CCAR1: variants seen among roughly 807,000 people sequenced by gnomAD.
CCAR1 encodes the protein cell division cycle and apoptosis regulator 1, also known as cell division cycle and apoptosis regulator protein 1.
Under a neutral mutation model 163.8 loss-of-function variants are expected in CCAR1, and 78 were observed. The observed-to-expected ratio is 0.48, with a 90% CI of 0.40 to 0.57. CCAR1 has a LOEUF of 0.57. CCAR1 is among the 20% of genes least tolerant of loss of function. CCAR1 has a pLI of 0.00. For synonymous variants in CCAR1, 443 were observed against 460.7 expected (o/e 0.96, Z 0.49); for missense variants, 1,019 against 1,365.2 (o/e 0.75, Z 4.00).
At chr10:68,747,084 C>T (rs1447392604) in intron 6 of CCAR1, 77 bp from the exon 7 acceptor site, 6 of 707,756 alleles carry the variant, frequency 8.5e-6, no homozygotes, top group African/African-American at 7.3e-5. Context: ...AAAGTACTAA[C>T]TATGTAAATC....
chr10:68,767,434 A>AT, intron 17 of CCAR1, among the ~76,000 whole-genome samples: 1 of 151,956 alleles, frequency 6.6e-6, no homozygotes, highest in East Asian at 1.9e-4. Flanking sequence ...TGCCTGGCTA[A>AT]TTTTTTGTAT....
chr10:68,763,662 G>C (rs931457268), intron 16 of CCAR1, among the ~76,000 whole-genome samples: 2 of 152,042 alleles, frequency 1.3e-5, no homozygotes, highest in African/African-American at 4.8e-5. Context: ...TAGCCAGGCT[G>C]GTCTCAAACT....
chr10:68,765,501 A>G (rs1485417864), intron 16 of CCAR1, among the ~76,000 whole-genome samples: 1 of 152,114 alleles, frequency 6.6e-6, no homozygotes, highest in Non-Finnish European at 1.5e-5. Context: ...TATGAATGCT[A>G]TCAGTTTTTG....
chr10:68,764,472 T>A (rs2056512904), intron 16 of CCAR1, among the ~76,000 whole-genome samples: 1 of 151,932 alleles, frequency 6.6e-6, no homozygotes, highest in African/African-American at 2.4e-5. Flanking sequence ...AGGTCAACGC[T>A]ATTTGTGAGC....
chr10:68,750,915 C>T (rs1380617139), intron 10 of CCAR1, among the ~76,000 whole-genome samples: 1 of 152,116 alleles, frequency 6.6e-6, no homozygotes, highest in East Asian at 1.9e-4. Flanking sequence ...GAATTTTAGT[C>T]AAGCTACTTA....
At chr10:68,770,805 C>T (rs59474050) in intron 17 of CCAR1, among the ~76,000 whole-genome samples, 2,335 of 152,100 alleles carry the variant, frequency 0.015, 61 homozygotes, top group African/African-American at 0.053. Context: ...TGGCTAGGCG[C>T]GGTGGCTTAC....
At chr10:68,779,289 G>A (rs899157851) in intron 19 of CCAR1, among the ~76,000 whole-genome samples, 1 of 149,670 alleles carries the variant, frequency 6.7e-6, no homozygotes, top group African/African-American at 2.5e-5. Context: ...ACAGAGTTTT[G>A]CTCTGTCGCC....
At chr10:68,786,906 G>C in intron 21 of CCAR1, 1 of 383,378 alleles carries the variant, frequency 2.6e-6, no homozygotes, top group Non-Finnish European at 4.6e-6. Flanking sequence ...CCAACATGGC[G>C]TAGCTCCGTC....
At chr10:68,747,047 A>AT (rs1470446298) in intron 6 of CCAR1, 114 bp from the exon 7 acceptor site, 308 of 573,430 alleles carry the variant, frequency 5.4e-4, no homozygotes, top group South Asian at 8.4e-4. Context: ...TTTACTGTTT[A>AT]TTTTTTTTTG....
chr10:68,774,281 C>T (rs1008432068), intron 19 of CCAR1, among the ~76,000 whole-genome samples: 1 of 152,148 alleles, frequency 6.6e-6, no homozygotes, highest in African/African-American at 2.4e-5. Flanking sequence ...GCCCACATCA[C>T]CTTCCCAAAA....
intron 10 of CCAR1, among the ~76,000 whole-genome samples, chr10:68,751,241 A>C (rs1000324355): frequency 6.6e-6 from 1 of 151,610 alleles, no homozygotes; most frequent in African/African-American, 2.4e-5. Flanking sequence ...TGGCCAGGCT[A>C]ATCTCAAACT....
intron 15 of CCAR1, 128 bp from the exon 16 acceptor site, chr10:68,760,875 AAAAC>A (rs2056460644): frequency 2.6e-6 from 1 of 391,324 alleles, no homozygotes; most frequent in Non-Finnish European, 4.1e-6. Flanking sequence ...AAAAAAACAA[AAAAC>A]AAAAAAAAAA....
intron 16 of CCAR1, among the ~76,000 whole-genome samples, chr10:68,762,096 G>A (rs2056478850): frequency 1.3e-5 from 2 of 151,918 alleles, no homozygotes; most frequent in Middle Eastern, 3.4e-3. Context: ...TTGGGAGGCC[G>A]AGGTGGGCGG....
chr10:68,768,467 C>T (rs796652541), intron 17 of CCAR1, among the ~76,000 whole-genome samples: 9 of 151,924 alleles, frequency 5.9e-5, no homozygotes, highest in African/African-American at 2.2e-4. Flanking sequence ...AAAAATTAGC[C>T]AGGCTAGGTG....
chr10:68,734,610 G>A (rs1048645942), intron 2 of CCAR1, among the ~76,000 whole-genome samples: 2 of 151,874 alleles, frequency 1.3e-5, no homozygotes, highest in African/African-American at 4.8e-5. Flanking sequence ...AGTGATTCTC[G>A]TGCCTCAGCC....
At chr10:68,735,881 GTC>G (rs2056103128) in intron 2 of CCAR1, 1 of 152,224 alleles carries the variant, frequency 6.6e-6, no homozygotes, top group African/African-American at 2.4e-5. Context: ...TTGAGATGGA[GTC>G]TCACTCTGTT....
chr10:68,772,224 T>C (rs2056612743), intron 18 of CCAR1, among the ~76,000 whole-genome samples: 1 of 152,126 alleles, frequency 6.6e-6, no homozygotes. Context: ...GGCTCGCTGC[T>C]ATAATCCCAG....
chr10:68,721,583 G>C, intron 1 of CCAR1: 2 of 450,438 alleles, frequency 4.4e-6, no homozygotes, highest in South Asian at 3.1e-5. Context: ...AGCCGCTGCG[G>C]TTTTACCCTC....
At chr10:68,752,197 C>T (rs1040405919) in intron 10 of CCAR1, among the ~76,000 whole-genome samples, 4 of 152,010 alleles carry the variant, frequency 2.6e-5, no homozygotes, top group Admixed American at 1.3e-4. Context: ...GGACTACAGG[C>T]GTGAGCCACC....
Sources: gnomAD v4.1 joint callset for allele counts (sites outside exome capture counted in the v4.1 genomes callset) on GRCh38, gnomAD v4.1.1 for gene constraint, MANE v1.5 for transcripts, NCBI Gene and HGNC (gene_info 2026-07-23, HGNC 2026-07-21) for gene names.